ARFGEF1: variants seen among roughly 807,000 people sequenced by gnomAD.
ARFGEF1 encodes the protein brefeldin A-inhibited guanine nucleotide-exchange protein 1.
A neutral mutation model predicts 231.0 loss-of-function variants in ARFGEF1; 42 were observed. The observed-to-expected ratio is 0.18, with a 90% confidence interval of 0.14 to 0.24. The LOEUF is 0.24. ARFGEF1 is among the 10% of genes least tolerant of loss of function. The probability of loss-of-function intolerance (pLI) is 1.00; values close to 1 mark genes in which losing one functional copy is unlikely to be tolerated. For synonymous variants in ARFGEF1, 710 were observed against 732.3 expected (o/e 0.97, Z 0.49); for missense variants, 1,345 against 2,192.0 (o/e 0.61, Z 7.72).
chr8:67,208,646 A>C (rs889070546), intron 34 of ARFGEF1, among the ~76,000 whole-genome samples: 5 of 151,394 alleles, frequency 3.3e-5, no homozygotes, highest in African/African-American at 9.7e-5. Context: ...AAAAAAAAAA[A>C]AACCAACAAA....
chr8:67,264,608 T>C (rs375836637), intron 14 of ARFGEF1, among the ~76,000 whole-genome samples: 1 of 151,968 alleles, frequency 6.6e-6, no homozygotes, highest in African/African-American at 2.4e-5. Context: ...TGAGACGGCA[T>C]AGTCAAAAAG....
At chr8:67,268,507 T>A (rs1367727389) in intron 10 of ARFGEF1, among the ~76,000 whole-genome samples, 1 of 152,172 alleles carries the variant, frequency 6.6e-6, no homozygotes. Flanking sequence ...CTCAAAAGAT[T>A]GCTCATGGTT....
intron 1 of ARFGEF1, among the ~76,000 whole-genome samples, chr8:67,324,536 T>C (rs1807742061): frequency 1.3e-5 from 2 of 152,220 alleles, no homozygotes; most frequent in African/African-American, 2.4e-5. Context: ...AAGCTGTTCC[T>C]GACCCATGAC....
At chr8:67,202,990 C>G in intron 36 of ARFGEF1, 93 bp downstream of exon 36, 1 of 1,324,546 alleles carries the variant, frequency 7.5e-7, no homozygotes, top group Non-Finnish European at 1.0e-6. Flanking sequence ...ATGCACAGAC[C>G]TATAGCAGAC....
At chr8:67,187,459 G>T (rs775152491) in intron 5 of ARFGEF1, among the ~76,000 whole-genome samples, 17 of 152,040 alleles carry the variant, frequency 1.1e-4, no homozygotes, top group Non-Finnish European at 2.4e-4. Context: ...ACTTTGGGAG[G>T]CTACTTGAGG....
At chr8:67,236,497 G>A (rs1839774827) in intron 22 of ARFGEF1, among the ~76,000 whole-genome samples, 1 of 149,062 alleles carries the variant, frequency 6.7e-6, no homozygotes, top group African/African-American at 2.5e-5. Flanking sequence ...TTCTGCTCCA[G>A]AAAGCATCTG....
At chr8:67,216,708 A>G in intron 32 of ARFGEF1, 46 bp from the exon 33 acceptor site, 1 of 1,457,552 alleles carries the variant, frequency 6.9e-7, no homozygotes, top group Non-Finnish European at 9.3e-7. Context: ...GCTGTGCCAC[A>G]TGCCACATCC....
downstream of ARFGEF1, chr8:67,193,421 T>TTTTGTGAACATA (rs1563807954): frequency 6.3e-7 from 1 of 1,577,852 alleles, no homozygotes; most frequent in Non-Finnish European, 8.7e-7. Flanking sequence ...TGTGAACATA[T>TTTTGTGAACATA]TTTGTGTTAA....
chr8:67,195,668 A>T, downstream of ARFGEF1: 1 of 1,314,122 alleles, frequency 7.6e-7, no homozygotes, highest in Non-Finnish European at 1.1e-6. Context: ...AATATGTCCT[A>T]CTTTTGGCCC....
chr8:67,245,032 T>C lies in ARFGEF1; in HGVS notation c.2851-4742A>G, dbSNP rs1278941488. Among the ~76,000 whole-genome samples the C allele has an allele frequency of 4.0e-5, 6 of 150,720 alleles. 1 individual carries two copies. The highest frequency in any genetic ancestry group is 5.9e-5 in the Non-Finnish European group (4 of 67,896). Reference sequence around the variant, plus strand: ...CTCCAATATGTCTGGCAGCAGACTATTCAGTGGAAACCACACAGGCCAGGA... The same window carrying C: ...CTCCAATATGTCTGGCAGCAGACTACTCAGTGGAAACCACACAGGCCAGGA... On this transcript the variant is annotated intron_variant, in intron 19 of 38. Coordinates refer to ENST00000262215, the MANE Select transcript of ARFGEF1 (RefSeq NM_006421.5).
intron 23 of ARFGEF1, 71 bp downstream of exon 23, chr8:67,232,784 T>C: frequency 8.1e-7 from 1 of 1,227,134 alleles, no homozygotes; most frequent in Non-Finnish European, 1.1e-6. Context: ...TATTTTTCTT[T>C]TTACCAACAC....
At chr8:67,193,731 A>G (rs1444126738), downstream of ARFGEF1, 5 of 684,350 alleles carry the variant, frequency 7.3e-6, no homozygotes, top group South Asian at 2.4e-5. Flanking sequence ...TGTATGGCCC[A>G]AGACATAGTA....
In ARFGEF1 at chr8:67,240,151, TTC is replaced by T. The variant is rs1219670142; in HGVS notation, c.2979+9_2979+10del. 9 of 1,606,106 alleles carry T rather than the reference TTC, an allele frequency of 5.6e-6. No individual in the cohort carries two copies. The East Asian group carries it at 6.7e-5, about 12-fold the overall frequency. On this transcript the variant is annotated intron_variant, in intron 20 of 38. Coordinates refer to ENST00000262215, the MANE Select transcript of ARFGEF1 (RefSeq NM_006421.5). ...TTCCAAACTGGCTACAAAGACAAAATTCTCTGTTACCTGAATGCTGAAAATGC... is the reference window on the plus strand; with the variant it reads ...TTCCAAACTGGCTACAAAGACAAAATTCTGTTACCTGAATGCTGAAAATGC...
chr8:67,300,594 A>G (rs962216424), intron 3 of ARFGEF1, among the ~76,000 whole-genome samples: 1 of 149,566 alleles, frequency 6.7e-6, no homozygotes, highest in Non-Finnish European at 1.5e-5. Context: ...CAAGACGGGC[A>G]GGCAGATCAC....
In ARFGEF1 at chr8:67,201,469, C is replaced by T. The variant is rs1311671888; in HGVS notation, c.5265G>A (p.Leu1755=). ...SAWEEVQQRL[L]NVCSEALSYF... ...TGGAAATCAGTCAAAAGTCTTACTT[C>T]AAAAGCCTCTGCTGGACCTCCTCCC... is the stretch of plus-strand genomic sequence containing the variant. The change falls in exon 37 of 39, where the codon TTG becomes TTA. Residue 1755 remains leucine, a splice_region_variant and synonymous_variant. Coordinates refer to ENST00000262215, the MANE Select transcript of ARFGEF1 (RefSeq NM_006421.5). The T allele has an allele frequency of 6.2e-7, 1 of 1,604,162 alleles. No individual in the cohort carries two copies. The highest frequency in any genetic ancestry group is 8.5e-7 in the Non-Finnish European group (1 of 1,177,148).
At chr8:67,182,690 T>C (rs1368701424) in intron 5 of ARFGEF1, among the ~76,000 whole-genome samples, 1 of 152,242 alleles carries the variant, frequency 6.6e-6, no homozygotes, top group Non-Finnish European at 1.5e-5. Context: ...GGGTGTGACG[T>C]GGCATCTCAT....
intron 19 of ARFGEF1, among the ~76,000 whole-genome samples, chr8:67,246,794 A>G (rs1840120686): frequency 6.6e-6 from 1 of 150,406 alleles, no homozygotes; most frequent in African/African-American, 2.5e-5. Context: ...AATACAAAAC[A>G]TCAACAAAAC....
In ARFGEF1 at chr8:67,271,280, C is replaced by T. The variant is rs79970008; in HGVS notation, c.1572+422G>A. 1.6e-3 allele frequency among the ~76,000 whole-genome samples: 238 copies of T among 151,278 alleles called. 5 individuals carry two copies. The East Asian group carries it at 0.04, about 26-fold the overall frequency. ...AAAATAGAACCCCAAAATATAATGC[C>T]CCTCAATCACATCTTTTAAAATGCC... On this transcript the variant is annotated intron_variant, in intron 10 of 38. Coordinates refer to ENST00000262215, the MANE Select transcript of ARFGEF1 (RefSeq NM_006421.5).
intron 1 of ARFGEF1, among the ~76,000 whole-genome samples, chr8:67,321,208 G>T (rs1807575827): frequency 2.0e-5 from 3 of 152,066 alleles, no homozygotes; most frequent in Non-Finnish European, 4.4e-5. Context: ...TCCCAACTGT[G>T]ATAGAAGTTA....
Sources: gnomAD v4.1 joint callset for allele counts (sites outside exome capture counted in the v4.1 genomes callset) on GRCh38, gnomAD v4.1.1 for gene constraint, MANE v1.5 for transcripts, NCBI Gene and HGNC (gene_info 2026-07-23, HGNC 2026-07-21) for gene names.